SPAG16: variants seen among roughly 807,000 people sequenced by gnomAD.
SPAG16 encodes the protein sperm-associated antigen 16 protein.
A neutral mutation model predicts 80.4 loss-of-function variants in SPAG16; 86 were observed. The ratio of observed to expected loss-of-function variants is 1.07; its 90% CI spans 0.90 to 1.28. SPAG16 has a LOEUF of 1.28. SPAG16 is among the 50% of genes most tolerant of loss of function. SPAG16 has a pLI of 0.00. For synonymous variants in SPAG16, 294 were observed against 265.9 expected (o/e 1.11, Z -1.03); for missense variants, 870 against 765.3 (o/e 1.14, Z -1.61).
chr2:213,600,736 C>G (rs1196545616), intron 10 of SPAG16, among the ~76,000 whole-genome samples: 4 of 152,132 alleles, frequency 2.6e-5, no homozygotes, highest in African/African-American at 9.7e-5. Context: ...CCTTGGACTC[C>G]AATTATTGAA....
At chr2:214,312,618 G>A (rs1695410243) in intron 15 of SPAG16, among the ~76,000 whole-genome samples, 1 of 152,098 alleles carries the variant, frequency 6.6e-6, no homozygotes, top group African/African-American at 2.4e-5. Flanking sequence ...CTAACCTGCT[G>A]AGCTGTGTTG....
At chr2:213,721,732 C>T (rs2066543822) in intron 10 of SPAG16, among the ~76,000 whole-genome samples, 1 of 151,956 alleles carries the variant, frequency 6.6e-6, no homozygotes, top group African/African-American at 2.4e-5. Context: ...GTATGCCAAT[C>T]ATTTAGTAAC....
chr2:214,039,649 T>C (rs2125085551), intron 13 of SPAG16, among the ~76,000 whole-genome samples: 1 of 152,336 alleles, frequency 6.6e-6, no homozygotes, highest in Non-Finnish European at 1.5e-5. Flanking sequence ...AAACTGTTTT[T>C]CCATAGCATT....
At chr2:214,041,443 T>C (rs1427867598) in intron 13 of SPAG16, among the ~76,000 whole-genome samples, 1 of 127,190 alleles carries the variant, frequency 7.9e-6, no homozygotes, top group East Asian at 3.1e-4. Context: ...TGGTGATTTG[T>C]AGTAGTTTCT....
At chr2:214,036,886 T>G (rs62191931) in intron 13 of SPAG16, among the ~76,000 whole-genome samples, 32,215 of 152,048 alleles carry the variant, frequency 0.21, 4,106 homozygotes, top group Non-Finnish European at 0.3. Context: ...TTATTTAAAG[T>G]ATACTGGGTC....
At chr2:213,988,503 A>G (rs2046126820) in intron 12 of SPAG16, among the ~76,000 whole-genome samples, 1 of 152,106 alleles carries the variant, frequency 6.6e-6, no homozygotes, top group South Asian at 2.1e-4. Context: ...CTCAAAGGTT[A>G]AAGAGGAATT....
At chr2:213,581,831 T>C (rs1156409231) in intron 10 of SPAG16, among the ~76,000 whole-genome samples, 3 of 152,186 alleles carry the variant, frequency 2.0e-5, no homozygotes, top group Non-Finnish European at 4.4e-5. Flanking sequence ...AGAGATGCTG[T>C]GATTTATAAG....
chr2:213,559,202 A>T (rs938644886), intron 10 of SPAG16, among the ~76,000 whole-genome samples: 1 of 152,010 alleles, frequency 6.6e-6, no homozygotes, highest in Non-Finnish European at 1.5e-5. Context: ...CAAAATAACA[A>T]CTGTCATCCT....
chr2:214,125,450 G>C (rs868587798), intron 14 of SPAG16, among the ~76,000 whole-genome samples: 1 of 151,448 alleles, frequency 6.6e-6, no homozygotes, highest in South Asian at 2.1e-4. Context: ...TTGTAACTTC[G>C]CCCTCTCCAG....
chr2:213,674,029 GCT>G (rs2063929955), intron 10 of SPAG16, among the ~76,000 whole-genome samples: 1 of 151,730 alleles, frequency 6.6e-6, no homozygotes. Flanking sequence ...TGTTTATAAG[GCT>G]TCAAAAGATA....
intron 11 of SPAG16, among the ~76,000 whole-genome samples, chr2:213,918,125 G>A (rs1286661926): frequency 6.6e-6 from 1 of 152,256 alleles, no homozygotes; most frequent in East Asian, 1.9e-4. Context: ...AAGCCTACTT[G>A]GTCATGATGG....
intron 9 of SPAG16, among the ~76,000 whole-genome samples, chr2:213,400,794 T>C (rs931687471): frequency 1.3e-5 from 2 of 151,966 alleles, no homozygotes; most frequent in Non-Finnish European, 2.9e-5. Context: ...ACTTCCCTGA[T>C]TTTTTTAGTC....
chr2:213,932,656 A>G (rs950959226), intron 12 of SPAG16, among the ~76,000 whole-genome samples: 96 of 152,166 alleles, frequency 6.3e-4, no homozygotes, highest in African/African-American at 2.1e-3. Context: ...TTGGTGTTCT[A>G]TCTCTAGCTC....
At chr2:213,907,176 C>T (rs1467598133) in intron 11 of SPAG16, among the ~76,000 whole-genome samples, 2 of 152,002 alleles carry the variant, frequency 1.3e-5, no homozygotes, top group Admixed American at 6.6e-5. Context: ...AAAACAACGG[C>T]AATGACAAAA....
intron 10 of SPAG16, among the ~76,000 whole-genome samples, chr2:213,675,520 G>T (rs187022054): frequency 0.049 from 7,464 of 151,870 alleles, 588 homozygotes; most frequent in African/African-American, 0.17. Context: ...TGGTTTTAGG[G>T]CTAACATTTA....
At chr2:213,579,152 T>C (rs1046416560) in intron 10 of SPAG16, among the ~76,000 whole-genome samples, 2 of 152,158 alleles carry the variant, frequency 1.3e-5, no homozygotes, top group Non-Finnish European at 2.9e-5. Context: ...ATCATTTTCA[T>C]TTGAGCACAC....
intron 10 of SPAG16, among the ~76,000 whole-genome samples, chr2:213,544,236 T>C (rs2076543077): frequency 6.6e-6 from 1 of 152,104 alleles, no homozygotes; most frequent in Non-Finnish European, 1.5e-5. Flanking sequence ...AAGTAACATA[T>C]ATAATTTTCA....
rs57090419 is a variant in SPAG16, at chr2:213,715,225, T to TATCTATCC, written c.1071-147253_1071-147252insCATCTATC. On this transcript the variant is annotated intron_variant, in intron 10 of 15. Coordinates refer to ENST00000331683, the MANE Select transcript of SPAG16 (RefSeq NM_024532.5). ...TTCAAGTTAGGTAGATCTATCTGTC[T>TATCTATCC]ATCTATCTATCTATCTATCTATCTA... 1.0e-3 allele frequency among the ~76,000 whole-genome samples: 140 copies of TATCTATCC among 135,276 alleles called. 1 individual carries two copies. Among genetic ancestry groups the TATCTATCC allele is most frequent in the South Asian group, 1.6e-3 (6 of 3,684 alleles). 88.7% of individuals were successfully genotyped at this position (135,276 alleles called of 152,430 possible).
At chr2:213,660,985 T>A (rs981198668) in intron 10 of SPAG16, among the ~76,000 whole-genome samples, 1 of 152,178 alleles carries the variant, frequency 6.6e-6, no homozygotes, top group Non-Finnish European at 1.5e-5. Flanking sequence ...TCCCACTTTA[T>A]GCACTCTTAA....
Sources: gnomAD v4.1 joint callset for allele counts (sites outside exome capture counted in the v4.1 genomes callset) on GRCh38, gnomAD v4.1.1 for gene constraint, MANE v1.5 for transcripts, NCBI Gene and HGNC (gene_info 2026-07-23, HGNC 2026-07-21) for gene names.